The following DPP10 variants were observed in gnomAD, a reference collection of about 807,000 sequenced individuals.
DPP10 encodes inactive dipeptidyl peptidase 10.
DPP10 carries 33 observed loss-of-function variants against 120.9 expected under a neutral mutation model. The observed-to-expected ratio is 0.27, with a 90% CI of 0.21 to 0.37. The LOEUF (loss-of-function observed/expected upper bound fraction) is 0.37, where lower values mean the gene tolerates loss of function less well. DPP10 is among the 10% of genes least tolerant of loss of function. DPP10 has a pLI of 1.00. For synonymous variants in DPP10, 337 were observed against 326.1 expected (o/e 1.03, Z -0.36); for missense variants, 816 against 942.8 (o/e 0.87, Z 1.76).
intron 1 of DPP10, chr2:114,461,722 G>C (rs1247317450): frequency 3.0e-6 from 3 of 985,308 alleles, no homozygotes; most frequent in Non-Finnish European, 3.6e-6. Flanking sequence ...AAGCCTCCTA[G>C]CCAGGGACAT....
At chr2:115,506,920 A>T (rs1449174615) in intron 4 of DPP10, among the ~76,000 whole-genome samples, 1 of 152,100 alleles carries the variant, frequency 6.6e-6, no homozygotes, top group Non-Finnish European at 1.5e-5. Flanking sequence ...AAATATTGTG[A>T]TGACTATAAC....
intron 5 of DPP10, among the ~76,000 whole-genome samples, chr2:115,564,232 CTTT>C (rs11333808): frequency 8.0e-5 from 9 of 112,814 alleles, no homozygotes; most frequent in Admixed American, 1.8e-4. Context: ...TTGATCATGT[CTTT>C]TTTTTTTTTT....
chr2:114,976,354 T>G (rs1016325491), intron 1 of DPP10, among the ~76,000 whole-genome samples: 1 of 152,210 alleles, frequency 6.6e-6, no homozygotes. Flanking sequence ...ATTCAATGCA[T>G]ACTGCAACTT....
intron 1 of DPP10, among the ~76,000 whole-genome samples, chr2:115,010,704 A>G (rs1702202065): frequency 6.6e-6 from 1 of 152,214 alleles, no homozygotes; most frequent in African/African-American, 2.4e-5. Context: ...CAGAAGCTCC[A>G]AAAATCCATC....
At chr2:115,707,444 ACACACACACACACACACACT>A (rs1392888732) in intron 7 of DPP10, among the ~76,000 whole-genome samples, 1 of 149,138 alleles carries the variant, frequency 6.7e-6, no homozygotes, top group African/African-American at 2.5e-5. Context: ...ACACACACAC[ACACACACACACACACACACT>A]CTCTCCACAT....
chr2:115,184,053 T>C (rs1001943211), intron 1 of DPP10, among the ~76,000 whole-genome samples: 1 of 152,136 alleles, frequency 6.6e-6, no homozygotes, highest in Non-Finnish European at 1.5e-5. Flanking sequence ...CCAGTTTCTT[T>C]GGACTCGCAG....
intron 7 of DPP10, among the ~76,000 whole-genome samples, 165 bp downstream of exon 7, chr2:115,690,086 A>G (rs1211230506): frequency 2.6e-5 from 4 of 152,200 alleles, no homozygotes; most frequent in Non-Finnish European, 5.9e-5. Flanking sequence ...GAATACATTA[A>G]ATGATACTAG....
intron 1 of DPP10, among the ~76,000 whole-genome samples, chr2:114,533,568 G>A (rs751407489): frequency 4.0e-5 from 6 of 151,780 alleles, no homozygotes; most frequent in East Asian, 1.9e-4. Flanking sequence ...TATGGCACAC[G>A]TTTACCTGTG....
intron 1 of DPP10, among the ~76,000 whole-genome samples, chr2:114,960,673 A>G (rs1167090766): frequency 6.6e-6 from 1 of 152,190 alleles, no homozygotes; most frequent in Non-Finnish European, 1.5e-5. Flanking sequence ...CAGTGGTGAT[A>G]GGTTATATCC....
At chr2:114,454,095 C>A (rs1228787057) in intron 1 of DPP10, among the ~76,000 whole-genome samples, 5 of 152,124 alleles carry the variant, frequency 3.3e-5, no homozygotes, top group Non-Finnish European at 7.3e-5. Flanking sequence ...AGAAGGGGCT[C>A]CTCACCCCAA....
At chr2:115,236,437 T>C (rs2058013173) in intron 1 of DPP10, among the ~76,000 whole-genome samples, 1 of 152,168 alleles carries the variant, frequency 6.6e-6, no homozygotes, top group Admixed American at 6.5e-5. Context: ...GGGGAAGTCA[T>C]TTTCTTTGGT....
intron 5 of DPP10, among the ~76,000 whole-genome samples, chr2:115,617,509 CAGT>C (rs534939316): frequency 6.6e-6 from 1 of 151,478 alleles, no homozygotes; most frequent in Non-Finnish European, 1.5e-5. Flanking sequence ...TACATAAAGA[CAGT>C]AGCCCTATAA....
intron 4 of DPP10, among the ~76,000 whole-genome samples, chr2:115,519,905 CAT>C (rs2077705059): frequency 6.6e-6 from 1 of 152,198 alleles, no homozygotes; most frequent in Non-Finnish European, 1.5e-5. Flanking sequence ...TACTTAATTA[CAT>C]GTTTCAAAAT....
At chr2:114,582,915 C>T (rs1203905062) in intron 1 of DPP10, among the ~76,000 whole-genome samples, 1 of 152,144 alleles carries the variant, frequency 6.6e-6, no homozygotes, top group East Asian at 1.9e-4. Context: ...GTCCTTATTA[C>T]TCCAGTAAGT....
chr2:114,723,126 G>A (rs1410870061), intron 1 of DPP10, among the ~76,000 whole-genome samples: 2 of 152,100 alleles, frequency 1.3e-5, no homozygotes, highest in African/African-American at 4.8e-5. Context: ...AGTATTAGCT[G>A]GCTTCTCACA....
At chr2:115,760,640 G>T (rs890032457) in intron 11 of DPP10, among the ~76,000 whole-genome samples, 2 of 152,200 alleles carry the variant, frequency 1.3e-5, no homozygotes, top group Admixed American at 1.3e-4. Flanking sequence ...TCGTGGAAAT[G>T]AGATAGTTAA....
chr2:115,160,645 C>T (rs764143237), intron 1 of DPP10, among the ~76,000 whole-genome samples: 1 of 152,210 alleles, frequency 6.6e-6, no homozygotes, highest in Non-Finnish European at 1.5e-5. Flanking sequence ...CTTCCACAAC[C>T]TGTGCCTGAG....
intron 1 of DPP10, among the ~76,000 whole-genome samples, chr2:114,969,917 A>G (rs1176274754): frequency 6.6e-6 from 1 of 152,136 alleles, no homozygotes; most frequent in Non-Finnish European, 1.5e-5. Flanking sequence ...GCATTGTTTT[A>G]AACCACTCGG....
At chr2:115,519,046 T>C (rs1468387409) in intron 4 of DPP10, among the ~76,000 whole-genome samples, 1 of 152,200 alleles carries the variant, frequency 6.6e-6, no homozygotes, top group Non-Finnish European at 1.5e-5. Flanking sequence ...TCTTTTCTTC[T>C]TTCATCAGCC....
Sources: allele counts gnomAD v4.1 joint callset (sites outside exome capture counted in the v4.1 genomes callset), GRCh38; gene constraint gnomAD v4.1.1; transcripts MANE v1.5; gene names NCBI Gene and HGNC (gene_info 2026-07-23, HGNC 2026-07-21).